Variants in KCNN1 observed in about 807,000 individuals in gnomAD.
KCNN1 encodes potassium calcium-activated channel subfamily N member 1.
KCNN1 carries 20 observed loss-of-function variants against 44.7 expected under a neutral mutation model. That is an observed-to-expected ratio of 0.45 (90% confidence interval 0.32 to 0.65). KCNN1 has a LOEUF of 0.65. Among genes scored for constraint, KCNN1 ranks in the 30% least tolerant of loss-of-function variants. The pLI is 0.05. For synonymous variants in KCNN1, 324 were observed against 341.7 expected, an observed-to-expected ratio of 0.95 and a Z score of 0.57; for missense variants, 632 against 785.3, an observed-to-expected ratio of 0.80 and a Z score of 2.33.
At chr19:17,953,755 C>T (rs947814903) in intron 1 of KCNN1, among the ~76,000 whole-genome samples, 8 of 152,036 alleles carry the variant, frequency 5.3e-5, no homozygotes, top group Admixed American at 2.0e-4. Context: ...GTACTGAAAC[C>T]CTGTCTCTAC....
In KCNN1 at chr19:17,998,306, C is replaced by CG; in HGVS notation, c.1533dup (p.Pro512AlafsTer72). On this transcript the variant is annotated frameshift_variant, in exon 10 of 10. Coordinates refer to ENST00000684775, the MANE Select transcript of KCNN1 (RefSeq NM_001386974.1). LOFTEE classifies it low-confidence loss of function (END_TRUNC). This position sits in a 1 kb window ranked among gnomAD's most constrained non-coding sequence, Gnocchi z 5.4. Reference sequence around the variant, plus strand: ...ATCGCCCAAGCCATACGCCCACCCCCGCCTCCCCTGCCTCCCAGGCCCGGC... The same window carrying CG: ...ATCGCCCAAGCCATACGCCCACCCCCGGCCTCCCCTGCCTCCCAGGCCCGGC... 5 of 1,542,578 alleles carry CG rather than the reference C, an allele frequency of 3.2e-6. No homozygotes were observed. Among genetic ancestry groups the CG allele is most frequent in the Non-Finnish European group, 4.3e-6 (5 of 1,149,546 alleles).
At chr19:17,986,760 G>T (rs546458962) in intron 5 of KCNN1, among the ~76,000 whole-genome samples, 1 of 152,034 alleles carries the variant, frequency 6.6e-6, no homozygotes, top group African/African-American at 2.4e-5. Flanking sequence ...GCCTCCCAAG[G>T]TGCTGGAGTT....
At position 17,982,053 on chromosome 19, in the gene KCNN1, C is replaced by T. The variant is rs753218069; in HGVS notation, c.843C>T (p.Cys281=). 5 of 1,608,660 alleles carry T rather than the reference C, an allele frequency of 3.1e-6. No homozygotes were observed. In the Admixed American group the frequency reaches 5.0e-5, roughly 16 times the overall value. The change falls in exon 4 of 10, where the codon TGC becomes TGT. Residue 281 remains cysteine, a synonymous_variant. Coordinates refer to ENST00000684775, the MANE Select transcript of KCNN1 (RefSeq NM_001386974.1). ...RFVMKTLMTI[C]PGTVLLVFSI... ...TCATGAAGACACTCATGACCATCTG[C>T]CCCGGCACCGTGCTGCTGGTCTTCA... is the stretch of plus-strand genomic sequence containing the variant.
At chr19:17,984,194 G>A (rs1456457830) in intron 4 of KCNN1, among the ~76,000 whole-genome samples, 1 of 151,952 alleles carries the variant, frequency 6.6e-6, no homozygotes, top group African/African-American at 2.4e-5. Context: ...CAGTCCCTGG[G>A]CCTTTACCCA....
chr19:17,993,825 G>A lies in KCNN1; in HGVS notation c.1377+266G>A, dbSNP rs147701275. ...ACTTGGGGGCTGAGGGAGGAGAATC[G>A]CTTGAACTTGGGGGGTTGAGGCTGC... is the stretch of plus-strand genomic sequence containing the variant. On this transcript the variant is annotated intron_variant, in intron 9 of 9. Transcript: ENST00000684775. The surrounding 1 kb of genome is among the most constrained non-coding windows in gnomAD (Gnocchi z 4.5). Among the ~76,000 whole-genome samples the A allele has an allele frequency of 5.7e-3, 865 of 152,220 alleles. 7 individuals carry two copies. The highest frequency in any genetic ancestry group is 8.8e-3 in the Admixed American group (134 of 15,274).
intron 2 of KCNN1, among the ~76,000 whole-genome samples, chr19:17,962,079 C>T (rs898093940): frequency 2.0e-5 from 3 of 152,024 alleles, no homozygotes; most frequent in Non-Finnish European, 4.4e-5. Flanking sequence ...TCGGTTGGAC[C>T]CACTGGATGT....
In KCNN1 at chr19:17,985,347, T is replaced by A; in HGVS notation, c.953T>A (p.Leu318Gln). 1.2e-6 allele frequency: 2 copies of A among 1,610,720 alleles called. No individual in the cohort carries two copies. The highest frequency in any genetic ancestry group is 1.7e-6 in the Non-Finnish European group (2 of 1,178,022). ...AAGCAGGAAGTGACCAGCAACTTCC[T>A]GGGGGCCATGTGGCTGATTTCCATC... ...HDKQEVTSNFLGAMWLISITF... is the reference protein window; with the variant it reads ...HDKQEVTSNFQGAMWLISITF... The change falls in exon 5 of 10, where the codon CTG becomes CAG. Residue 318 changes from leucine (L) to glutamine (Q), a missense_variant. Leu to Gln is a moderately radical substitution (Grantham distance 113, BLOSUM62 -2). Around this residue, in one of 3 missense-constraint regions of KCNN1, gnomAD observed 160 missense variants for 308.3 expected, o/e 0.52. Transcript: ENST00000684775.
chr19:17,983,745 C>T lies in KCNN1; in HGVS notation c.918-1567C>T, dbSNP rs2032502027. 6.6e-6 allele frequency among the ~76,000 whole-genome samples: 1 copy of T among 152,068 alleles called. No individual in the cohort carries two copies. The highest frequency in any genetic ancestry group is 1.5e-5 in the Non-Finnish European group (1 of 67,988). On this transcript the variant is annotated intron_variant, in intron 4 of 9. Transcript: ENST00000684775. The surrounding 1 kb of genome is among the most constrained non-coding windows in gnomAD (Gnocchi z 4.5). ...TGCTCCTGGGTGGTCCCGCGGCACC[C>T]CCCACCATCGCTCCGTCTGGATCTG...
intron 2 of KCNN1, among the ~76,000 whole-genome samples, chr19:17,956,218 G>C (rs1196937897): frequency 1.3e-5 from 2 of 152,146 alleles, no homozygotes; most frequent in Non-Finnish European, 2.9e-5. Context: ...GATTGCAGGC[G>C]TGAGCCACTG....
chr19:17,990,433 A>G (rs2032747161), intron 7 of KCNN1, among the ~76,000 whole-genome samples: 1 of 150,236 alleles, frequency 6.7e-6, no homozygotes. Context: ...GCAGTGAGCC[A>G]TGATTGCGCC....
At chr19:17,986,601 C>G (rs2032605556) in intron 5 of KCNN1, among the ~76,000 whole-genome samples, 1 of 152,176 alleles carries the variant, frequency 6.6e-6, no homozygotes, top group Admixed American at 6.6e-5. Context: ...CCCCTCTTTC[C>G]AGAGCCTTCT....
At chr19:17,994,655 T>C (rs1198614611) in intron 9 of KCNN1, among the ~76,000 whole-genome samples, 1 of 152,124 alleles carries the variant, frequency 6.6e-6, no homozygotes, top group Non-Finnish European at 1.5e-5. Context: ...GCAATTCTCG[T>C]GCTTCAGCCT....
chr19:17,970,289 ATT>A (rs71164333), intron 1 of KCNN1, among the ~76,000 whole-genome samples: 10 of 56,916 alleles, frequency 1.8e-4, no homozygotes, highest in Admixed American at 2.8e-4. Context: ...AGAAGGAATG[ATT>A]TTTTTTTTTT....
At position 17,974,326 on chromosome 19, in the gene KCNN1, T is replaced by C. The variant is rs368656204; in HGVS notation, c.402+36T>C. 1.3e-4 allele frequency: 190 copies of C among 1,512,630 alleles called. No individual in the cohort carries two copies. Among genetic ancestry groups the C allele is most frequent in the Non-Finnish European group, 1.6e-4 (177 of 1,132,622 alleles). The allele number at this position is 1,512,630 out of a possible 1,614,324, so 93.7% of individuals were successfully genotyped here. On this transcript the variant is annotated intron_variant, in intron 2 of 9. Coordinates refer to ENST00000684775, the MANE Select transcript of KCNN1 (RefSeq NM_001386974.1). The surrounding 1 kb of genome is among the most constrained non-coding windows in gnomAD (Gnocchi z 7.3). ...TCCTCCCCCAGGCACTCCAGGGAGG[T>C]TCCACCAAGCCCGCCTAGCTTTCTT...
chr19:17,985,580 C>T (rs1347906003), intron 5 of KCNN1, 127 bp downstream of exon 5: 7 of 813,984 alleles, frequency 8.6e-6, no homozygotes, highest in Non-Finnish European at 1.2e-5. Flanking sequence ...CAGCGTCCCT[C>T]CATCTGTCAG....
At chr19:17,989,668 T>C (rs1195344203) in intron 6 of KCNN1, 48 bp from the exon 7 acceptor site, 1 of 1,611,864 alleles carries the variant, frequency 6.2e-7, no homozygotes, top group Non-Finnish European at 8.5e-7. Flanking sequence ...CTGGAGCCTT[T>C]TGGAATTTCG....
In KCNN1 at chr19:17,998,190, C is replaced by A. The variant is rs771621834; in HGVS notation, c.1416C>A (p.His472Gln). ...TGTACGACCTTGTATCGGAGCTGCA[C>A]GCTCAGCACGAGGAGCTGGAGGCCC... ...TVMYDLVSEL[H>Q]AQHEELEARL... is the part of the protein sequence containing the mutation. Residue 472 changes from histidine to glutamine, a missense_variant, in exon 10 of 10, where the codon CAC becomes CAA. His to Gln is a conservative substitution (Grantham distance 24). This residue lies in a region of KCNN1 where 237 missense variants were observed against 253.0 expected (regional missense o/e 0.94). Coordinates refer to ENST00000684775, the MANE Select transcript of KCNN1 (RefSeq NM_001386974.1). The surrounding 1 kb of genome is among the most constrained non-coding windows in gnomAD (Gnocchi z 5.4). 1.9e-6 allele frequency: 3 copies of A among 1,598,606 alleles called. No individual in the cohort carries two copies. The highest frequency in any genetic ancestry group is 1.7e-6 in the Non-Finnish European group (2 of 1,173,892).
chr19:17,988,024 G>A (rs2032661259), intron 5 of KCNN1, among the ~76,000 whole-genome samples: 1 of 151,394 alleles, frequency 6.6e-6, no homozygotes, highest in African/African-American at 2.4e-5. Context: ...ATGTGGTGGT[G>A]CACGCTTCTA....
chr19:17,979,794 A>C (rs1473762172), intron 3 of KCNN1, among the ~76,000 whole-genome samples: 1 of 151,882 alleles, frequency 6.6e-6, no homozygotes, highest in Non-Finnish European at 1.5e-5. Flanking sequence ...TAAGGAAGTG[A>C]CTTTTTTTTC....
Sources: gnomAD v4.1 joint callset for allele counts (sites outside exome capture counted in the v4.1 genomes callset) on GRCh38, gnomAD v4.1.1 for gene constraint, gnomAD v4.1.1 regional missense constraint, Gnocchi (gnomAD v3.1) non-coding constraint, MANE v1.5 for transcripts, NCBI Gene and HGNC (gene_info 2026-07-23, HGNC 2026-07-21) for gene names.